The following CLEC5A variants were observed in gnomAD, a reference collection of about 807,000 sequenced individuals.
CLEC5A encodes the protein C-type lectin domain containing 5A.
Under a neutral mutation model 24.4 loss-of-function variants are expected in CLEC5A, and 15 were observed. The observed-to-expected ratio is 0.62, with a 90% CI of 0.41 to 0.95. The LOEUF (loss-of-function observed/expected upper bound fraction) is 0.95, where lower values mean the gene tolerates loss of function less well. CLEC5A is among the 40% of genes least tolerant of loss of function. CLEC5A has a pLI of 0.00. For missense variants in CLEC5A, 211 were observed against 224.0 expected, an observed-to-expected ratio of 0.94 and a Z score of 0.37; for synonymous variants, 71 against 72.6, an observed-to-expected ratio of 0.98 and a Z score of 0.11.
chr7:141,930,177 C>T lies in CLEC5A; in HGVS notation c.494G>A (p.Gly165Asp), dbSNP rs1802412876. Residue 165 changes from glycine to aspartate, a missense_variant, in exon 7 of 7, where the codon GGC becomes GAC. Physicochemically the swap from Gly to Asp is moderately conservative, Grantham distance 94. Coordinates refer to ENST00000546910, the MANE Select transcript of CLEC5A (RefSeq NM_013252.3). ...TGCAGCATCAAATGTCTTTGTTAGG[C>T]CAATGGTCGCACAGTTGAAATTCTG... ...QNQNFNCATI[G>D]LTKTFDAASC... The T allele has an allele frequency of 1.2e-6, 2 of 1,614,094 alleles. No homozygotes were observed. Among genetic ancestry groups the T allele is most frequent in the Non-Finnish European group, 1.7e-6 (2 of 1,179,998 alleles).
chr7:141,945,690 C>G, intron 2 of CLEC5A: 1 of 461,534 alleles, frequency 2.2e-6, no homozygotes, highest in Non-Finnish European at 3.9e-6. Flanking sequence ...CATTTATTTT[C>G]CCTACTGGCT....
At chr7:141,940,123 T>A (rs1802741882) in intron 4 of CLEC5A, among the ~76,000 whole-genome samples, 1 of 152,174 alleles carries the variant, frequency 6.6e-6, no homozygotes, top group South Asian at 2.1e-4. Flanking sequence ...ATTCATCAGC[T>A]ACAGAATACA....
chr7:141,938,387 T>G (rs970866200), intron 4 of CLEC5A, among the ~76,000 whole-genome samples: 6 of 152,042 alleles, frequency 3.9e-5, no homozygotes, highest in African/African-American at 1.4e-4. Flanking sequence ...TACTGAGGAA[T>G]GCATCAGAGT....
Position 141,933,045 on chromosome 7 carries a change from G to A in CLEC5A, c.346-1219C>T, listed in dbSNP as rs533142232. On this transcript the variant is annotated intron_variant, in intron 5 of 6. Transcript: ENST00000546910. ...TGCTTATGTAATGTTTCTGGGAAGGGGTACATAGATTTTATCACCATTTTA... is the reference window on the plus strand; with the variant it reads ...TGCTTATGTAATGTTTCTGGGAAGGAGTACATAGATTTTATCACCATTTTA... 3.3e-5 allele frequency among the ~76,000 whole-genome samples: 5 copies of A among 152,194 alleles called. No homozygotes were observed. The East Asian group carries it at 9.7e-4, about 29-fold the overall frequency.
intron 4 of CLEC5A, among the ~76,000 whole-genome samples, chr7:141,939,897 A>T (rs1802736352): frequency 6.6e-6 from 1 of 152,164 alleles, no homozygotes; most frequent in African/African-American, 2.4e-5. Context: ...AACAATATAA[A>T]TATATATGCA....
chr7:141,946,178 A>C, intron 2 of CLEC5A, 36 bp downstream of exon 2: 1 of 1,547,774 alleles, frequency 6.5e-7, no homozygotes. Flanking sequence ...GCAAGACAAC[A>C]TGAAGTCTGG....
intron 4 of CLEC5A, chr7:141,936,214 T>C (rs1802619148): frequency 2.2e-6 from 1 of 462,272 alleles, no homozygotes; most frequent in Non-Finnish European, 3.9e-6. Context: ...GACAACTATC[T>C]ACACACAAAA....
rs535428832 is a variant in CLEC5A at position 141,927,359 on chromosome 7, G to A, written c.*2745C>T. The stretch of plus-strand genomic sequence containing the variant: ...AAAACCATCACAGGGGGCTGAAGAA[G>A]AGTGACAGAATCTGTTTAATGTTTT... On this transcript the variant is annotated 3_prime_UTR_variant, in exon 7 of 7. Coordinates refer to ENST00000546910, the MANE Select transcript of CLEC5A (RefSeq NM_013252.3). The A allele has an allele frequency of 6.6e-6, 1 of 152,354 alleles. No homozygotes were observed. The highest frequency in any genetic ancestry group is 1.9e-4 in the East Asian group (1 of 5,190). 9.4% of individuals were successfully genotyped at this position (152,354 alleles called of 1,614,324 possible). A position where few individuals can be genotyped will look rare whatever the true frequency, so the allele number is the denominator to read the frequency against.
chr7:141,945,263 G>T, intron 3 of CLEC5A, 78 bp downstream of exon 3: 3 of 968,810 alleles, frequency 3.1e-6, no homozygotes, highest in Non-Finnish European at 5.1e-6. Context: ...GGGAAAGGAG[G>T]CTGTGTGGAA....
At chr7:141,931,604 A>C (rs1433788923) in intron 6 of CLEC5A, 116 bp downstream of exon 6, 1 of 679,510 alleles carries the variant, frequency 1.5e-6, no homozygotes, top group Non-Finnish European at 2.7e-6. Flanking sequence ...AAAGGAGAAG[A>C]GCAGAACAGA....
intron 4 of CLEC5A, among the ~76,000 whole-genome samples, chr7:141,939,926 A>T (rs1802737093): frequency 6.6e-6 from 1 of 152,178 alleles, no homozygotes; most frequent in East Asian, 1.9e-4. Context: ...TGGCACACCC[A>T]GATATGTAAG....
At chr7:141,935,208 G>C (rs1436252052) in intron 5 of CLEC5A, among the ~76,000 whole-genome samples, 4 of 152,200 alleles carry the variant, frequency 2.6e-5, no homozygotes, top group Non-Finnish European at 4.4e-5. Flanking sequence ...ATTAGAGTAT[G>C]GGTTTTGGAG....
At position 141,945,393 on chromosome 7, in the gene CLEC5A, C is replaced by T; in HGVS notation, c.87G>A (p.Gln29=). 1 of 1,612,520 alleles carries T rather than the reference C, an allele frequency of 6.2e-7. No individual in the cohort carries two copies. The highest frequency in any genetic ancestry group is 8.5e-7 in the Non-Finnish European group (1 of 1,178,686). ...GMTLFLLYFP[Q]IFNKSNDGFT... Reference sequence around the variant, plus strand: ...AACCATCGTTACTTTTGTTAAAAATCTGTGGGACTGAAAAGAAAATCAGCT... The same window carrying T: ...AACCATCGTTACTTTTGTTAAAAATTTGTGGGACTGAAAAGAAAATCAGCT... The change falls in exon 3 of 7, where the codon CAG becomes CAA. Residue 29 remains glutamine (Q), a synonymous_variant. Transcript: ENST00000546910.
intron 6 of CLEC5A, 128 bp from the exon 7 acceptor site, chr7:141,930,346 G>A: frequency 1.0e-5 from 7 of 677,918 alleles, no homozygotes; most frequent in Non-Finnish European, 1.8e-5. Context: ...GCCTGGAAGG[G>A]CAGCAGACTA....
At position 141,931,786 on chromosome 7, in the gene CLEC5A, A is replaced by G. The variant is rs782392773; in HGVS notation, c.386T>C (p.Ile129Thr). Residue 129 changes from isoleucine (I) to threonine (T), a missense_variant, in exon 6 of 7, where the codon ATT (isoleucine) becomes ACT (threonine). Transcript: ENST00000546910. ...CTCTTCACGATGGTAAATTAAGCCAATAAAATACTTCTCAGCATCAGTTAT... is the reference window on the plus strand; with the variant it reads ...CTCTTCACGATGGTAAATTAAGCCAGTAAAATACTTCTCAGCATCAGTTAT... ...QDITDAEKYF[I>T]GLIYHREEKR... 5.0e-6 allele frequency: 8 copies of G among 1,607,828 alleles called. No homozygotes were observed. In the Admixed American group the frequency reaches 1.3e-4, roughly 27 times the overall value.
rs113758775 is a variant in CLEC5A at position 141,944,482 on chromosome 7, C to A, written c.140-518G>T. Among the ~76,000 whole-genome samples the A allele has an allele frequency of 4.3e-3, 657 of 152,232 alleles. 5 individuals are homozygous for A. The highest frequency in any genetic ancestry group is 0.015 in the African/African-American group (631 of 41,544). On this transcript the variant is annotated intron_variant, in intron 3 of 6. Transcript: ENST00000546910. ...CTCTAAGGATTGAAGCTAATTGGAACAAAATTTCAGGGCCAAGGGGATATT... is the reference window on the plus strand; with the variant it reads ...CTCTAAGGATTGAAGCTAATTGGAAAAAAATTTCAGGGCCAAGGGGATATT...
rs782759856 is a variant in CLEC5A, at chr7:141,931,729, A to C, written c.443T>G (p.Phe148Cys). Residue 148 changes from phenylalanine (F) to cysteine (C), a missense_variant, in exon 6 of 7, where the codon TTC (phenylalanine) becomes TGC (cysteine). Transcript: ENST00000546910. Reference sequence around the variant, plus strand: ...TGGCATGTTCACGTACTTGCCATTGAACACAGAGTTGTTGATCCAACGCCA... The same window carrying C: ...TGGCATGTTCACGTACTTGCCATTGCACACAGAGTTGTTGATCCAACGCCA... ...KRWRWINNSVFNGNVTNQNQN... is the reference protein window; with the variant it reads ...KRWRWINNSVCNGNVTNQNQN... 1 of 1,564,706 alleles carries C rather than the reference A, an allele frequency of 6.4e-7. No homozygotes were observed. The highest frequency in any genetic ancestry group is 2.2e-5 in the East Asian group (1 of 44,662).
At chr7:141,937,451 G>C (rs781813025) in intron 4 of CLEC5A, among the ~76,000 whole-genome samples, 1 of 152,122 alleles carries the variant, frequency 6.6e-6, no homozygotes, top group Non-Finnish European at 1.5e-5. Context: ...TGCAGAAAGG[G>C]GAGGGAAGAG....
intron 3 of CLEC5A, among the ~76,000 whole-genome samples, chr7:141,944,794 C>G (rs1040934839): frequency 2.6e-5 from 4 of 152,120 alleles, no homozygotes; most frequent in African/African-American, 9.7e-5. Context: ...TTTATAGACT[C>G]TAAGATGTAA....
Sources: gnomAD v4.1 joint callset for allele counts (sites outside exome capture counted in the v4.1 genomes callset) on GRCh38, gnomAD v4.1.1 for gene constraint, MANE v1.5 for transcripts, NCBI Gene and HGNC (gene_info 2026-07-23, HGNC 2026-07-21) for gene names.